EMC2: variants seen among roughly 807,000 people sequenced by gnomAD.
The protein encoded by EMC2 is ER membrane protein complex subunit 2.
In EMC2, 37 loss-of-function variants were observed where a neutral mutation model predicts 51.6. That is an observed-to-expected ratio of 0.72 (90% CI 0.55 to 0.94). EMC2 has a LOEUF of 0.94. Ranked by LOEUF, EMC2 falls within the 40% of genes least tolerant of loss-of-function variation. The pLI is 0.00. For missense variants in EMC2, 359 were observed against 350.9 expected, an observed-to-expected ratio of 1.02 and a Z score of -0.18; for synonymous variants, 131 against 112.4, an observed-to-expected ratio of 1.17 and a Z score of -1.04.
intron 5 of EMC2, among the ~76,000 whole-genome samples, chr8:108,459,379 A>T (rs1185163276): frequency 6.6e-6 from 1 of 152,168 alleles, no homozygotes; most frequent in Non-Finnish European, 1.5e-5. Context: ...GACATACCCG[A>T]GAAGACTGGG....
At chr8:108,463,337 T>C (rs1208867273) in intron 5 of EMC2, among the ~76,000 whole-genome samples, 12 of 152,202 alleles carry the variant, frequency 7.9e-5, no homozygotes, top group Admixed American at 6.5e-4. Flanking sequence ...TGGAGGGGAC[T>C]GGGCTACTGT....
intron 1 of EMC2, among the ~76,000 whole-genome samples, chr8:108,447,814 G>A (rs1318655527): frequency 1.3e-5 from 2 of 152,056 alleles, no homozygotes; most frequent in African/African-American, 4.8e-5. Flanking sequence ...TTTGAGGAGC[G>A]AGCTTTTTGC....
chr8:108,451,243 T>C lies in EMC2; in HGVS notation c.219+751T>C, dbSNP rs9297410. On this transcript the variant is annotated intron_variant, in intron 3 of 10. Transcript: ENST00000220853. ...AAAAATCAAACAAACCTAATACTGCTTTTAAAATAACACTGTAATGGTAGC... is the reference window on the plus strand; with the variant it reads ...AAAAATCAAACAAACCTAATACTGCCTTTAAAATAACACTGTAATGGTAGC... Among the ~76,000 whole-genome samples, 1,360 of 152,112 alleles carry C rather than the reference T, an allele frequency of 8.9e-3. 26 individuals carry two copies. The highest frequency in any genetic ancestry group is 0.031 in the African/African-American group (1,282 of 41,494).
intron 9 of EMC2, among the ~76,000 whole-genome samples, chr8:108,478,748 T>C (rs1810991810): frequency 6.6e-6 from 1 of 151,912 alleles, no homozygotes; most frequent in Admixed American, 6.6e-5. Flanking sequence ...TAAGAGCTGT[T>C]ACAGGTACAT....
chr8:108,449,807 A>T lies in EMC2; in HGVS notation c.41-16A>T. 2 of 1,179,462 alleles carry T rather than the reference A, an allele frequency of 1.7e-6. No homozygotes were observed. The highest frequency in any genetic ancestry group is 1.3e-6 in the Non-Finnish European group (1 of 789,604). 73.1% of individuals were successfully genotyped at this position (1,179,462 alleles called of 1,614,324 possible). A position where few individuals can be genotyped will look rare whatever the true frequency, so the allele number is the denominator to read the frequency against. On this transcript the variant is annotated splice_polypyrimidine_tract_variant and intron_variant, in intron 1 of 10. Transcript: ENST00000220853. ...CTGGGTACATATACACTTAAATGTC[A>T]TGTTATTTTTTTCAGAAATGAGAGA...
intron 7 of EMC2, among the ~76,000 whole-genome samples, chr8:108,473,568 A>T (rs1359534179): frequency 6.6e-6 from 1 of 152,098 alleles, no homozygotes; most frequent in Non-Finnish European, 1.5e-5. Context: ...TTCATTTGTT[A>T]TTGAAACTAG....
At chr8:108,454,013 T>C (rs1458977226) in intron 4 of EMC2, among the ~76,000 whole-genome samples, 1 of 152,152 alleles carries the variant, frequency 6.6e-6, no homozygotes, top group Non-Finnish European at 1.5e-5. Flanking sequence ...GTCTGCTTTG[T>C]CTGAAACTAA....
chr8:108,473,987 C>G (rs1431861157), intron 7 of EMC2: 1 of 151,962 alleles, frequency 6.6e-6, no homozygotes, highest in Non-Finnish European at 1.5e-5. Context: ...TTCTGCGTGG[C>G]CTAACAATGG....
Position 108,449,869 on chromosome 8 carries a change from TAGTG to T in EMC2, c.90_93del (p.Glu31LysfsTer9), listed in dbSNP as rs749925940. 14 of 1,595,314 alleles carry T rather than the reference TAGTG, an allele frequency of 8.8e-6. No individual in the cohort carries two copies. Among genetic ancestry groups the T allele is most frequent in the Admixed American group, 3.4e-5 (2 of 59,458 alleles). On this transcript the variant is annotated frameshift_variant, in exon 2 of 11. Coordinates refer to ENST00000220853, the MANE Select transcript of EMC2 (RefSeq NM_014673.5). LOFTEE classifies it high-confidence loss of function. ...AATGGAGAGAAGAAAACTCAAGAAA[TAGTG>T]AGCAAATTGTGGAAGTTGGAGAAGA...
At chr8:108,459,807 G>A (rs940685053) in intron 5 of EMC2, among the ~76,000 whole-genome samples, 1 of 151,646 alleles carries the variant, frequency 6.6e-6, no homozygotes, top group African/African-American at 2.4e-5. Flanking sequence ...AAGATTCTCA[G>A]AATATAGAAA....
chr8:108,463,277 C>T (rs550959843), intron 5 of EMC2, among the ~76,000 whole-genome samples: 1 of 152,238 alleles, frequency 6.6e-6, no homozygotes, highest in Non-Finnish European at 1.5e-5. Flanking sequence ...AATTTGGAGG[C>T]TGTTCTTAGG....
chr8:108,481,000 T>G (rs1479511734), intron 10 of EMC2, among the ~76,000 whole-genome samples: 1 of 152,152 alleles, frequency 6.6e-6, no homozygotes, highest in East Asian at 1.9e-4. Context: ...GTTTTTGGTT[T>G]CTTGTAGAGT....
chr8:108,456,379 C>T (rs367645575), intron 5 of EMC2, among the ~76,000 whole-genome samples: 6 of 146,680 alleles, frequency 4.1e-5, no homozygotes, highest in East Asian at 4.0e-4. Context: ...TAGAAGATAC[C>T]GTATTAGAGA....
At chr8:108,479,476 A>G (rs778218590) in intron 10 of EMC2, among the ~76,000 whole-genome samples, 7 of 152,124 alleles carry the variant, frequency 4.6e-5, no homozygotes, top group Non-Finnish European at 7.4e-5. Context: ...GAAATAGAAA[A>G]GAAGGAAGAA....
intron 1 of EMC2, among the ~76,000 whole-genome samples, chr8:108,446,674 A>G (rs1443657886): frequency 1.3e-5 from 2 of 152,120 alleles, no homozygotes; most frequent in Non-Finnish European, 1.5e-5. Context: ...AGATGACTTG[A>G]TTTTCGGATG....
chr8:108,466,981 C>CA (rs1810734763), intron 5 of EMC2, among the ~76,000 whole-genome samples: 1 of 151,854 alleles, frequency 6.6e-6, no homozygotes. Flanking sequence ...GAGACTATGG[C>CA]AAAAAAGAGA....
In EMC2 at chr8:108,443,672, C is replaced by T. The variant is rs760628065; in HGVS notation, c.14C>T (p.Ser5Leu). Reference protein sequence around the residue: MAKVSELYDVTWEEM... With the variant: MAKVLELYDVTWEEM... ...GGTTCTGGGAAGATGGCGAAGGTCT[C>T]AGAGCTTTACGATGTCACTTGGGAA... The change falls in exon 1 of 11, where the codon TCA (serine) becomes TTA (leucine). Residue 5 changes from serine to leucine, a missense_variant. Physicochemically the swap from Ser to Leu is moderately radical, Grantham distance 145 (BLOSUM62 -2). Transcript: ENST00000220853. 1.2e-6 allele frequency: 2 copies of T among 1,609,922 alleles called. No individual in the cohort carries two copies. Among genetic ancestry groups the T allele is most frequent in the Non-Finnish European group, 1.7e-6 (2 of 1,178,038 alleles).
At chr8:108,468,446 TC>T (rs753458423) in intron 5 of EMC2, among the ~76,000 whole-genome samples, 3 of 152,126 alleles carry the variant, frequency 2.0e-5, no homozygotes, top group Admixed American at 6.5e-5. Flanking sequence ...GGATATAGAT[TC>T]TTTTTTTATT....
At chr8:108,459,748 G>GTA (rs1819265344) in intron 5 of EMC2, among the ~76,000 whole-genome samples, 2 of 151,920 alleles carry the variant, frequency 1.3e-5, no homozygotes, top group Non-Finnish European at 2.9e-5. Flanking sequence ...GTGTGTGTGT[G>GTA]TGTGTGATTG....
Sources: allele counts gnomAD v4.1 joint callset (sites outside exome capture counted in the v4.1 genomes callset), GRCh38; gene constraint gnomAD v4.1.1; transcripts MANE v1.5; gene names NCBI Gene and HGNC (gene_info 2026-07-23, HGNC 2026-07-21).